Variants in PIGT observed in about 807,000 individuals in gnomAD.
PIGT encodes GPI-anchor transamidase component PIGT.
In PIGT, 57 loss-of-function variants were observed where a neutral mutation model predicts 66.7. That is an observed-to-expected ratio of 0.86 (90% confidence interval 0.69 to 1.07). PIGT has a LOEUF of 1.07. Among genes scored for constraint, PIGT ranks in the 50% least tolerant of loss-of-function variants. The pLI, the probability that PIGT is intolerant of heterozygous loss-of-function variation, is 0.00. For synonymous variants in PIGT, 362 were observed against 320.5 expected (o/e 1.13, Z -1.38); for missense variants, 725 against 740.4 (o/e 0.98, Z 0.24).
chr20:45,426,183 A>G lies in PIGT; in HGVS notation c.*357A>G. 3.4e-6 allele frequency: 1 copy of G among 295,418 alleles called. No individual in the cohort carries two copies. The highest frequency in any genetic ancestry group is 4.7e-5 in the South Asian group (1 of 21,088). 18.3% of individuals were successfully genotyped at this position (295,418 alleles called of 1,614,324 possible). On this transcript the variant is annotated 3_prime_UTR_variant, in exon 12 of 12. Transcript: ENST00000279036. ...GGTGATGGGGTGTGCTACACAGTGT[A>G]TGTCACTGTGTAGTGGATGGAGTTT...
At chr20:45,419,425 C>CT (rs1555876832) in intron 4 of PIGT, 30 bp downstream of exon 4, 4 of 1,602,616 alleles carry the variant, frequency 2.5e-6, no homozygotes, top group East Asian at 4.5e-5. Context: ...CAGCCGGGGG[C>CT]GGGGGGTGTA....
In PIGT at chr20:45,418,967, G is replaced by A. The variant is rs1029830395; in HGVS notation, c.481G>A (p.Gly161Ser). Residue 161 changes from glycine (G) to serine (S), a missense_variant, in exon 3 of 12, where the codon GGT becomes AGT. Around this residue, in one of 3 missense-constraint regions of PIGT, gnomAD observed 559 missense variants for 552.7 expected, o/e 1.01. Transcript: ENST00000279036. ...VTPTASFKPL[G>S]LANDTDHYFL... Reference sequence around the variant, plus strand: ...TCCCACTGCCTCCTTCAAACCCCTGGGTCTGGCCAATGGTGAGATAACCCC... The same window carrying A: ...TCCCACTGCCTCCTTCAAACCCCTGAGTCTGGCCAATGGTGAGATAACCCC... 3.1e-6 allele frequency: 5 copies of A among 1,613,856 alleles called. No individual in the cohort carries two copies. Among genetic ancestry groups the A allele is most frequent in the Admixed American group, 1.7e-5 (1 of 59,986 alleles).
chr20:45,421,649 ACT>A (rs1990375319), intron 9 of PIGT, 66 bp downstream of exon 9: 2 of 1,328,800 alleles, frequency 1.5e-6, no homozygotes, highest in Admixed American at 1.9e-5. Context: ...GGTCCCCCAA[ACT>A]CTCATTTCCC....
chr20:45,416,521 C>A lies in PIGT; in HGVS notation c.192C>A (p.Ser64=), dbSNP rs760222898. ...CACCTGCTCCCGTTTCCCCAGTGTC[C>A]CATTACAGGCTCTTTCCCAAAGCCC... ...WDSELQREGV[S]HYRLFPKALG... The change falls in exon 2 of 12, where the codon TCC becomes TCA. Residue 64 remains serine (S), a synonymous_variant. Coordinates refer to ENST00000279036, the MANE Select transcript of PIGT (RefSeq NM_015937.6). 6.2e-7 allele frequency: 1 copy of A among 1,613,804 alleles called. No homozygotes were observed. Among genetic ancestry groups the A allele is most frequent in the South Asian group, 1.1e-5 (1 of 91,002 alleles).
At chr20:45,425,142 TCTTTCTTTCTTTCTTTCTTTCTTTCTTTC>T (rs1990640233) in intron 11 of PIGT, 1 of 12,370 alleles carries the variant, frequency 8.1e-5, no homozygotes, top group Non-Finnish European at 1.9e-4. Flanking sequence ...TCTTTCTTTC[TCTTTCTTTCTTTCTTTCTTTCTTTCTTTC>T]TTTCTTTCTT....
intron 3 of PIGT, 142 bp from the exon 4 acceptor site, chr20:45,419,153 A>T: frequency 9.4e-7 from 1 of 1,059,864 alleles, no homozygotes; most frequent in South Asian, 1.5e-5. Context: ...GAGAGAAGGG[A>T]GTCCTACTCC....
At chr20:45,421,768 T>G in intron 9 of PIGT, 185 bp downstream of exon 9, 1 of 602,968 alleles carries the variant, frequency 1.7e-6, no homozygotes, top group Non-Finnish European at 3.0e-6. Context: ...CAGAAGTAAT[T>G]TATAAAACAG....
chr20:45,419,265 C>T (rs773677619), intron 3 of PIGT, 30 bp from the exon 4 acceptor site: 1 of 1,579,846 alleles, frequency 6.3e-7, no homozygotes, highest in South Asian at 1.1e-5. Context: ...AGCCCAAGGC[C>T]CACCCCAGAC....
chr20:45,418,416 T>C (rs1231704333), intron 2 of PIGT: 1 of 243,350 alleles, frequency 4.1e-6, no homozygotes, highest in African/African-American at 2.3e-5. Flanking sequence ...CAGGACACGA[T>C]GCTGCTGCCA....
Position 45,420,604 on chromosome 20 carries a change from A to G in PIGT, c.944A>G (p.Tyr315Cys), listed in dbSNP as rs1339969567. 12 of 1,613,784 alleles carry G rather than the reference A, an allele frequency of 7.4e-6. No homozygotes were observed. Among genetic ancestry groups the G allele is most frequent in the Admixed American group, 3.3e-5 (2 of 59,984 alleles). Residue 315 changes from tyrosine to cysteine, a missense_variant, in exon 8 of 12, where the codon TAT becomes TGT. Physicochemically the swap from Tyr to Cys is radical, Grantham distance 194. Transcript: ENST00000279036. ...QDVILGTRKT[Y>C]AIYDLLDTAM... ...GTCATCCTAGGCACTCGGAAGACCTATGCCATCTATGACTTGCTTGACACC... is the reference window on the plus strand; with the variant it reads ...GTCATCCTAGGCACTCGGAAGACCTGTGCCATCTATGACTTGCTTGACACC...
In PIGT at chr20:45,418,757, C is replaced by T. The variant is rs1990148764; in HGVS notation, c.366-95C>T. On this transcript the variant is annotated intron_variant, in intron 2 of 11. Transcript: ENST00000279036. The stretch of plus-strand genomic sequence containing the variant: ...CCCGTCTAATAGTTAAGAATACAGC[C>T]TCCTCCTATCATAGGTTTAGCAGCC... 1.6e-5 allele frequency: 23 copies of T among 1,471,104 alleles called. No individual in the cohort carries two copies. In the East Asian group the frequency reaches 5.1e-4, roughly 32 times the overall value. 91.1% of individuals were successfully genotyped at this position (1,471,104 alleles called of 1,614,324 possible).
In PIGT at chr20:45,421,459, A is replaced by C. The variant is rs1043749731; in HGVS notation, c.1110A>C (p.Thr370=). Residue 370 remains threonine, a synonymous_variant, in exon 9 of 12, where the codon ACA becomes ACC. Transcript: ENST00000279036. ...GGCTGCAGAAGGGGGAGCTGAGCAC[A>C]CTGCTGTACAACACCCACCCATACC... The part of the protein sequence containing the change: ...GYGLQKGELS[T]LLYNTHPYRA... 4.3e-6 allele frequency: 7 copies of C among 1,614,032 alleles called. No homozygotes were observed. The African/African-American group carries it at 8.0e-5, about 18-fold the overall frequency.
chr20:45,420,143 G>C lies in PIGT; in HGVS notation c.689G>C (p.Arg230Pro). ...VHIRPVCRNA[R>P]CTSISWELRQ... ...ATCTGGCCCTTGTGATAGAATGCACGCTGTACTAGCATCTCCTGGGAGCTG... is the reference window on the plus strand; with the variant it reads ...ATCTGGCCCTTGTGATAGAATGCACCCTGTACTAGCATCTCCTGGGAGCTG... Residue 230 changes from arginine (R) to proline (P), a missense_variant, in exon 6 of 12, where the codon CGC becomes CCC. By Grantham distance (103) the Arg-to-Pro change is moderately radical. This residue lies in a region of PIGT where 559 missense variants were observed against 552.7 expected (regional missense o/e 1.01). Transcript: ENST00000279036. 6.2e-7 allele frequency: 1 copy of C among 1,610,860 alleles called. No individual in the cohort carries two copies. The highest frequency in any genetic ancestry group is 8.5e-7 in the Non-Finnish European group (1 of 1,178,320).
chr20:45,419,993 G>A (rs1990249080), intron 5 of PIGT, 143 bp from the exon 6 acceptor site: 2 of 651,020 alleles, frequency 3.1e-6, no homozygotes, highest in Non-Finnish European at 5.4e-6. Flanking sequence ...CTGGCACGAG[G>A]TCAAGTGCTC....
chr20:45,419,248 G>T (rs1262369842), intron 3 of PIGT, 47 bp from the exon 4 acceptor site: 6 of 1,481,496 alleles, frequency 4.0e-6, no homozygotes, highest in Middle Eastern at 1.7e-4. Flanking sequence ...GGATCCCGAG[G>T]GGTCAGAGCC....
In PIGT at chr20:45,416,711, G is replaced by T. The variant is rs768237032; in HGVS notation, c.365+17G>T. The T allele has an allele frequency of 4.4e-6, 7 of 1,600,324 alleles. No individual in the cohort carries two copies. Among genetic ancestry groups the T allele is most frequent in the Admixed American group, 1.7e-5 (1 of 59,320 alleles). On this transcript the variant is annotated intron_variant, in intron 2 of 11. Coordinates refer to ENST00000279036, the MANE Select transcript of PIGT (RefSeq NM_015937.6). ...TGTCACTGAGTGAGTGCACACCTTG[G>T]GCCCTGTTGCAGGCCATGGAGGGAA...
chr20:45,423,852 G>A (rs926291946), intron 9 of PIGT: 2 of 266,348 alleles, frequency 7.5e-6, no homozygotes, highest in Non-Finnish European at 1.5e-5. Flanking sequence ...GTTAGATTTA[G>A]AAACCTGATT....
Position 45,425,926 on chromosome 20 carries a change from C to G in PIGT, c.*100C>G. 1.4e-6 allele frequency: 2 copies of G among 1,382,244 alleles called. No homozygotes were observed. The highest frequency in any genetic ancestry group is 1.9e-6 in the Non-Finnish European group (2 of 1,027,146). 85.6% of individuals were successfully genotyped at this position (1,382,244 alleles called of 1,614,324 possible). ...GCTCTCCTCAGAGTTGGCTTTTGAACCAAAGTGCCCTGGACCAGGTCAGGG... is the reference window on the plus strand; with the variant it reads ...GCTCTCCTCAGAGTTGGCTTTTGAAGCAAAGTGCCCTGGACCAGGTCAGGG... On this transcript the variant is annotated 3_prime_UTR_variant, in exon 12 of 12. Transcript: ENST00000279036.
In PIGT at chr20:45,425,629, C is replaced by T. The variant is rs1659638468; in HGVS notation, c.1540C>T (p.Leu514=). 3.7e-6 allele frequency: 6 copies of T among 1,614,084 alleles called. No individual in the cohort carries two copies. Among genetic ancestry groups the T allele is most frequent in the Non-Finnish European group, 5.1e-6 (6 of 1,180,006 alleles). The change falls in exon 12 of 12, where the codon CTG becomes TTG. Residue 514 remains leucine, a synonymous_variant. Transcript: ENST00000279036. ...YFVRLYTEPL[L]VNLPTPDFSM... Reference sequence around the variant, plus strand: ...TGTGCGGCTCTACACGGAGCCGCTGCTGGTGAACCTGCCGACACCGGACTT... The same window carrying T: ...TGTGCGGCTCTACACGGAGCCGCTGTTGGTGAACCTGCCGACACCGGACTT...
Sources: allele counts gnomAD v4.1 joint callset, GRCh38; gene constraint gnomAD v4.1.1; regional missense constraint gnomAD v4.1.1; transcripts MANE v1.5; gene names NCBI Gene and HGNC (gene_info 2026-07-23, HGNC 2026-07-21).